DNAH6: variants seen among roughly 807,000 people sequenced by gnomAD.
The protein encoded by DNAH6 is dynein axonemal heavy chain 6, also known as axonemal beta dynein heavy chain 6.
Under a neutral mutation model 491.4 loss-of-function variants are expected in DNAH6, and 340 were observed. The ratio of observed to expected loss-of-function variants is 0.69; its 90% CI spans 0.63 to 0.76. DNAH6 has a LOEUF of 0.76. DNAH6 is among the 30% of genes least tolerant of loss of function. The pLI, the probability that DNAH6 is intolerant of heterozygous loss-of-function variation, is 0.00. For missense variants in DNAH6, 4,443 were observed against 4,972.2 expected (o/e 0.89, Z 3.20); for synonymous variants, 1,603 against 1,686.1 (o/e 0.95, Z 1.21).
At chr2:84,593,279 C>G (rs1024348420) in intron 16 of DNAH6, among the ~76,000 whole-genome samples, 6 of 152,048 alleles carry the variant, frequency 3.9e-5, no homozygotes, top group Non-Finnish European at 7.4e-5. Flanking sequence ...GGAGTGAAAG[C>G]CTAACTAATC....
At chr2:84,528,791 C>T in intron 3 of DNAH6, 113 bp from the exon 4 acceptor site, 1 of 1,059,102 alleles carries the variant, frequency 9.4e-7, no homozygotes, top group Non-Finnish European at 1.3e-6. Context: ...TGCCTTTGAG[C>T]CCTAGACATC....
the DNAH6 span, among the ~76,000 whole-genome samples, chr2:84,468,144 G>A: frequency 6.6e-6 from 1 of 152,172 alleles, no homozygotes; most frequent in African/African-American, 2.4e-5. Flanking sequence ...GTTACCTGAA[G>A]TAAAAAGCGT....
chr2:84,475,065 G>A, the DNAH6 span, among the ~76,000 whole-genome samples: 1 of 152,180 alleles, frequency 6.6e-6, no homozygotes, highest in Non-Finnish European at 1.5e-5. Context: ...ATAACTTATT[G>A]AATTTCTCTG....
the DNAH6 span, among the ~76,000 whole-genome samples, chr2:84,505,884 G>T: frequency 6.6e-6 from 1 of 152,314 alleles, no homozygotes; most frequent in Non-Finnish European, 1.5e-5. Flanking sequence ...CAAAGGACAT[G>T]AAATCATCAT....
chr2:84,588,059 T>A (rs947551398), intron 15 of DNAH6, among the ~76,000 whole-genome samples: 11 of 152,270 alleles, frequency 7.2e-5, no homozygotes, highest in African/African-American at 2.6e-4. Flanking sequence ...TCTCAACAGT[T>A]CCCACTACCA....
At chr2:84,719,692 T>A (rs1697899450) in intron 59 of DNAH6, among the ~76,000 whole-genome samples, 1 of 152,002 alleles carries the variant, frequency 6.6e-6, no homozygotes, top group Non-Finnish European at 1.5e-5. Context: ...TCACTTTTTT[T>A]TTTTTATTTT....
intron 72 of DNAH6, among the ~76,000 whole-genome samples, chr2:84,811,900 C>A (rs564525850): frequency 6.6e-6 from 1 of 151,426 alleles, no homozygotes; most frequent in East Asian, 1.9e-4. Flanking sequence ...TCTGCACTAA[C>A]TCTGGGGTTT....
At position 84,658,458 on chromosome 2, in the gene DNAH6, G is replaced by A. The variant is rs1691188196; in HGVS notation, c.5924G>A (p.Gly1975Glu). The A allele has an allele frequency of 2.6e-5, 39 of 1,512,756 alleles. No homozygotes were observed. The highest frequency in any genetic ancestry group is 3.5e-5 in the Non-Finnish European group (39 of 1,128,784). 93.7% of individuals were successfully genotyped at this position (1,512,756 alleles called of 1,614,324 possible). A position where few individuals can be genotyped will look rare whatever the true frequency, so the allele number is the denominator to read the frequency against. The change falls in exon 36 of 77, where the codon GGA (glycine) becomes GAA (glutamate). Residue 1975 changes from glycine (G) to glutamate (E), a missense_variant. Coordinates refer to ENST00000389394, the MANE Select transcript of DNAH6 (RefSeq NM_001370.2). ...LLESLILGKD[G>E]VNLAMEQTKL... ...GAGTCCTTGATACTTGGGAAAGATG[G>A]AGTTAACTTGGCAATGGTATGAAGA...
Position 84,705,688 on chromosome 2 carries a change from T to G in DNAH6, c.8668T>G (p.Leu2890Val), listed in dbSNP as rs562043465. Residue 2890 changes from leucine to valine, a missense_variant, in exon 52 of 77, where the codon TTG (leucine) becomes GTG (valine). Coordinates refer to ENST00000389394, the MANE Select transcript of DNAH6 (RefSeq NM_001370.2). Reference sequence around the variant, plus strand: ...GTGCATGTGGGTAAGAGCTATGGATTTGTACTCTCGAGTGGTCAAGGTCGT... The same window carrying G: ...GTGCATGTGGGTAAGAGCTATGGATGTGTACTCTCGAGTGGTCAAGGTCGT... ...SMCMWVRAMD[L>V]YSRVVKVVEP... 1 of 1,551,642 alleles carries G rather than the reference T, an allele frequency of 6.4e-7. No individual in the cohort carries two copies. The highest frequency in any genetic ancestry group is 1.4e-5 in the African/African-American group (1 of 73,002).
the DNAH6 span, among the ~76,000 whole-genome samples, chr2:84,508,730 T>G: frequency 6.6e-6 from 1 of 152,222 alleles, no homozygotes; most frequent in Non-Finnish European, 1.5e-5. Context: ...CTCTACACAC[T>G]GCTTTGAATG....
intron 43 of DNAH6, among the ~76,000 whole-genome samples, chr2:84,686,013 C>T (rs945461146): frequency 1.6e-4 from 25 of 151,724 alleles, no homozygotes; most frequent in Non-Finnish European, 1.6e-4. Flanking sequence ...GTAGTGAAAC[C>T]CTGTCTCTAC....
chr2:84,666,051 G>T (rs2104635680), intron 37 of DNAH6, among the ~76,000 whole-genome samples: 1 of 152,100 alleles, frequency 6.6e-6, no homozygotes, highest in South Asian at 2.1e-4. Context: ...AAATTCAACA[G>T]CTCTTCATGC....
intron 44 of DNAH6, among the ~76,000 whole-genome samples, chr2:84,687,516 G>A (rs894903804): frequency 8.6e-5 from 13 of 151,958 alleles, no homozygotes; most frequent in African/African-American, 1.9e-4. Flanking sequence ...GATAAACTAC[G>A]TATTTTTGTA....
At chr2:84,745,406 C>G (rs1041864721) in intron 63 of DNAH6, among the ~76,000 whole-genome samples, 157 bp downstream of exon 63, 3 of 152,202 alleles carry the variant, frequency 2.0e-5, no homozygotes, top group African/African-American at 4.8e-5. Context: ...TGGCTCACGC[C>G]TGTAATCCCA....
intron 59 of DNAH6, among the ~76,000 whole-genome samples, chr2:84,720,516 G>A (rs1698030604): frequency 6.6e-6 from 1 of 151,752 alleles, no homozygotes; most frequent in South Asian, 2.1e-4. Flanking sequence ...CTGACCTCGT[G>A]ATCCGCCCGC....
intron 62 of DNAH6, among the ~76,000 whole-genome samples, chr2:84,738,525 C>T (rs1443033865): frequency 1.3e-5 from 2 of 152,134 alleles, no homozygotes; most frequent in Admixed American, 6.5e-5. Context: ...CTGGGTACTC[C>T]AATGTTGGAT....
chr2:84,611,054 C>T (rs1233106934), intron 21 of DNAH6, among the ~76,000 whole-genome samples: 2 of 152,136 alleles, frequency 1.3e-5, no homozygotes, highest in South Asian at 2.1e-4. Flanking sequence ...TGGGCACACA[C>T]ATGCAGTAAT....
the DNAH6 span, among the ~76,000 whole-genome samples, chr2:84,486,364 T>C: frequency 6.6e-6 from 1 of 152,208 alleles, no homozygotes; most frequent in Non-Finnish European, 1.5e-5. Context: ...CCCAAATAAA[T>C]TTGAAGTCAT....
chr2:84,587,586 A>G (rs1018822211), intron 15 of DNAH6, among the ~76,000 whole-genome samples: 1 of 152,224 alleles, frequency 6.6e-6, no homozygotes, highest in Non-Finnish European at 1.5e-5. Context: ...CAAGACCCTC[A>G]TTCCTGCTGT....
Sources: allele counts gnomAD v4.1 joint callset (sites outside exome capture counted in the v4.1 genomes callset), GRCh38; gene constraint gnomAD v4.1.1; transcripts MANE v1.5; gene names NCBI Gene and HGNC (gene_info 2026-07-23, HGNC 2026-07-21).